PEX14: variants seen among roughly 807,000 people sequenced by gnomAD.
PEX14 encodes peroxisomal biogenesis factor 14.
Under a neutral mutation model 49.5 loss-of-function variants are expected in PEX14, and 15 were observed. That is an observed-to-expected ratio of 0.30 (90% CI 0.20 to 0.47). The LOEUF is 0.47. Ranked by LOEUF, PEX14 falls within the 20% of genes least tolerant of loss-of-function variation. The pLI is 1.00. For synonymous variants in PEX14, 210 were observed against 212.7 expected (o/e 0.99, Z 0.11); for missense variants, 398 against 494.8 (o/e 0.80, Z 1.86).
At chr1:10,515,514 C>T (rs1007576918) in intron 2 of PEX14, among the ~76,000 whole-genome samples, 3 of 152,222 alleles carry the variant, frequency 2.0e-5, no homozygotes, top group South Asian at 2.1e-4. Context: ...AGTGCCTGGC[C>T]GGCTTGTGTG....
intron 4 of PEX14, among the ~76,000 whole-genome samples, chr1:10,603,478 G>A (rs562637339): frequency 6.6e-6 from 1 of 152,236 alleles, no homozygotes; most frequent in South Asian, 2.1e-4. Context: ...CCAAGGGGAA[G>A]CTTGGTGTCA....
chr1:10,605,950 A>C (rs1345619142), intron 4 of PEX14, among the ~76,000 whole-genome samples: 3 of 152,084 alleles, frequency 2.0e-5, no homozygotes, highest in Non-Finnish European at 4.4e-5. Context: ...CCATTCGCGG[A>C]TGTTGAAGAG....
At chr1:10,536,354 G>C (rs1638803268) in intron 3 of PEX14, 57 bp downstream of exon 3, 2 of 1,065,502 alleles carry the variant, frequency 1.9e-6, no homozygotes, top group South Asian at 1.2e-5. Flanking sequence ...GGCTGGGGCA[G>C]ATGGAAGCCA....
At chr1:10,627,137 AG>A in intron 7 of PEX14, 134 bp from the exon 8 acceptor site, 1 of 745,566 alleles carries the variant, frequency 1.3e-6, no homozygotes, top group East Asian at 2.5e-5. Flanking sequence ...GGGCAGTGGC[AG>A]AACCTTCCCC....
intron 7 of PEX14, among the ~76,000 whole-genome samples, chr1:10,625,366 C>A (rs1641713927): frequency 6.6e-6 from 1 of 152,226 alleles, no homozygotes; most frequent in African/African-American, 2.4e-5. Flanking sequence ...GCCCCCACAG[C>A]CTGGGCTCTG....
chr1:10,598,521 C>G (rs115118910), intron 3 of PEX14, among the ~76,000 whole-genome samples: 58 of 152,322 alleles, frequency 3.8e-4, no homozygotes, highest in African/African-American at 1.4e-3. Context: ...CTGCCACTTC[C>G]TGATGTCCCA....
At chr1:10,622,050 T>A (rs1220717383) in intron 5 of PEX14, among the ~76,000 whole-genome samples, 3 of 152,120 alleles carry the variant, frequency 2.0e-5, no homozygotes, top group African/African-American at 7.2e-5. Flanking sequence ...TGTCTCCATG[T>A]CCCGAGTGGC....
intron 3 of PEX14, among the ~76,000 whole-genome samples, chr1:10,559,619 C>T (rs1468962194): frequency 6.6e-6 from 1 of 152,138 alleles, no homozygotes; most frequent in Non-Finnish European, 1.5e-5. Flanking sequence ...CAGCCTCCCC[C>T]CACCACCACC....
At chr1:10,626,215 A>G (rs1014542373) in intron 7 of PEX14, among the ~76,000 whole-genome samples, 2 of 152,210 alleles carry the variant, frequency 1.3e-5, no homozygotes, top group Non-Finnish European at 2.9e-5. Context: ...CTGGCACCAT[A>G]TGCGTTTGGA....
intron 1 of PEX14, among the ~76,000 whole-genome samples, chr1:10,492,869 T>C (rs1051501297): frequency 2.6e-5 from 4 of 152,182 alleles, no homozygotes; most frequent in African/African-American, 9.6e-5. Flanking sequence ...ATCAGTCCGA[T>C]AGTCACACAG....
chr1:10,541,088 C>G (rs2124491159), intron 3 of PEX14, among the ~76,000 whole-genome samples: 1 of 152,302 alleles, frequency 6.6e-6, no homozygotes, highest in African/African-American at 2.4e-5. Context: ...ACGGATTCGA[C>G]TCAGTCATAA....
chr1:10,601,478 A>G lies in PEX14; in HGVS notation c.298+2112A>G, dbSNP rs555416325. Among the ~76,000 whole-genome samples the G allele has an allele frequency of 7.9e-5, 12 of 152,292 alleles. No homozygotes were observed. In the South Asian group the frequency reaches 2.1e-3, roughly 26 times the overall value. On this transcript the variant is annotated intron_variant, in intron 4 of 8. Coordinates refer to ENST00000356607, the MANE Select transcript of PEX14 (RefSeq NM_004565.3). ...TCTTCTCCGGACTTGCTGAAGGGCC[A>G]GCCAGTGGGTTGGAATCTGCTGTCT... is the stretch of plus-strand genomic sequence containing the variant.
chr1:10,580,916 G>C (rs991025182), intron 3 of PEX14, among the ~76,000 whole-genome samples: 2 of 152,164 alleles, frequency 1.3e-5, no homozygotes, highest in Admixed American at 6.5e-5. Context: ...CCATTTTACA[G>C]ATGAAGGACC....
At chr1:10,546,563 C>CAAAA (rs35214823) in intron 3 of PEX14, among the ~76,000 whole-genome samples, 1 of 47,764 alleles carries the variant, frequency 2.1e-5, no homozygotes, top group African/African-American at 9.1e-5. Flanking sequence ...GACTCTGTTT[C>CAAAA]AAAAAAAAAA....
chr1:10,498,785 A>G (rs764372964), intron 2 of PEX14, among the ~76,000 whole-genome samples: 1 of 152,244 alleles, frequency 6.6e-6, no homozygotes, highest in African/African-American at 2.4e-5. Flanking sequence ...AAACTCCGCC[A>G]AAGTTAAAAT....
At chr1:10,602,212 C>G (rs1232502196) in intron 4 of PEX14, among the ~76,000 whole-genome samples, 1 of 152,150 alleles carries the variant, frequency 6.6e-6, no homozygotes, top group South Asian at 2.1e-4. Flanking sequence ...CTTCCAGCCC[C>G]TAAAAATAAA....
rs1265114673 is a variant in PEX14, at chr1:10,630,206, C to CCCCAGG, written c.*225_*230dup. 11 of 703,204 alleles carry CCCCAGG rather than the reference C, an allele frequency of 1.6e-5. No individual in the cohort carries two copies. Among genetic ancestry groups the CCCCAGG allele is most frequent in the African/African-American group, 1.4e-4 (8 of 55,306 alleles). The allele number at this position is 703,204 out of a possible 1,614,324, so 43.6% of individuals were successfully genotyped here. A position where few individuals can be genotyped will look rare whatever the true frequency, so the allele number is the denominator to read the frequency against. On this transcript the variant is annotated 3_prime_UTR_variant, in exon 9 of 9. Coordinates refer to ENST00000356607, the MANE Select transcript of PEX14 (RefSeq NM_004565.3). This position sits in a 1 kb window ranked among gnomAD's most constrained non-coding sequence, Gnocchi z 4.1. ...CCGCCAGCCCCAGCCCCAGCCCCAGCCCCAGGCCCAGCTGCCTTTGGCTTT... is the reference window on the plus strand; with the variant it reads ...CCGCCAGCCCCAGCCCCAGCCCCAGCCCCAGGCCCAGGCCCAGCTGCCTTTGGCTTT...
chr1:10,625,806 G>A (rs1041478795), intron 7 of PEX14, among the ~76,000 whole-genome samples: 3 of 152,224 alleles, frequency 2.0e-5, no homozygotes, highest in African/African-American at 4.8e-5. Context: ...CACATGTTGT[G>A]TTTAAGAAGC....
In PEX14 at chr1:10,620,266, A is replaced by G. The variant is rs182374330; in HGVS notation, c.384+1849A>G. 1.5e-4 allele frequency among the ~76,000 whole-genome samples: 22 copies of G among 151,210 alleles called. No homozygotes were observed. The East Asian group carries it at 3.9e-3, about 27-fold the overall frequency. ...GAAGTTTGATATTAGCCTGGCCAAC[A>G]TGGTGAAACTGTGTCTCTACCAAAC... On this transcript the variant is annotated intron_variant, in intron 5 of 8. Transcript: ENST00000356607.
Sources: allele counts gnomAD v4.1 joint callset (sites outside exome capture counted in the v4.1 genomes callset), GRCh38; gene constraint gnomAD v4.1.1; non-coding constraint Gnocchi (gnomAD v3.1); transcripts MANE v1.5; gene names NCBI Gene and HGNC (gene_info 2026-07-23, HGNC 2026-07-21).